The following DISC1 variants were observed in gnomAD, a reference collection of about 807,000 sequenced individuals.
DISC1 encodes the protein DISC1 scaffold protein, also known as disrupted in schizophrenia 1 protein.
In DISC1, 57 loss-of-function variants were observed where a neutral mutation model predicts 84.5. The observed-to-expected ratio is 0.67, with a 90% CI of 0.55 to 0.84. DISC1 has a LOEUF of 0.84. Among genes scored for constraint, DISC1 ranks in the 40% least tolerant of loss-of-function variants. The pLI is 0.00. For missense variants in DISC1, 1,000 were observed against 1,057.8 expected (o/e 0.95, Z 0.76); for synonymous variants, 411 against 415.2 (o/e 0.99, Z 0.12).
intron 9 of DISC1, among the ~76,000 whole-genome samples, chr1:231,893,023 C>T (rs912439859): frequency 1.3e-5 from 2 of 152,066 alleles, no homozygotes; most frequent in Non-Finnish European, 2.9e-5. Flanking sequence ...ATTAGCCAGG[C>T]ATGGTGGCTG....
intron 6 of DISC1, among the ~76,000 whole-genome samples, chr1:231,780,406 A>G (rs1477290251): frequency 6.6e-6 from 1 of 152,118 alleles, no homozygotes; most frequent in African/African-American, 2.4e-5. Context: ...AACACATGAA[A>G]AAATGCTCAC....
At chr1:231,661,865 CT>C (rs1190982172) in intron 1 of DISC1, among the ~76,000 whole-genome samples, 1 of 152,210 alleles carries the variant, frequency 6.6e-6, no homozygotes, top group Non-Finnish European at 1.5e-5. Context: ...CTTTGCTTAT[CT>C]TTGTGGGCTT....
At chr1:231,912,743 T>C (rs549052437) in intron 9 of DISC1, among the ~76,000 whole-genome samples, 9 of 1,642 alleles carry the variant, frequency 5.5e-3, no homozygotes, top group Admixed American at 0.014. Flanking sequence ...CAGCTTGCTC[T>C]TCTTTCTTTC....
intron 9 of DISC1, among the ~76,000 whole-genome samples, chr1:231,917,555 T>A (rs562155440): frequency 2.6e-4 from 39 of 152,364 alleles, no homozygotes; most frequent in Admixed American, 8.5e-4. Flanking sequence ...TTAGGAGAGC[T>A]ATGTTCACTT....
intron 3 of DISC1, among the ~76,000 whole-genome samples, chr1:231,708,321 GA>G (rs1182337451): frequency 6.6e-6 from 1 of 152,184 alleles, no homozygotes; most frequent in African/African-American, 2.4e-5. Context: ...TCTGAGAAAT[GA>G]GACAGACTTT....
At chr1:231,710,368 A>G (rs1452247790) in intron 3 of DISC1, among the ~76,000 whole-genome samples, 1 of 152,138 alleles carries the variant, frequency 6.6e-6, no homozygotes, top group African/African-American at 2.4e-5. Flanking sequence ...AAACAAACAA[A>G]CAAACAACTC....
chr1:231,974,385 CT>C (rs1558798195), intron 10 of DISC1, among the ~76,000 whole-genome samples: 2 of 152,206 alleles, frequency 1.3e-5, no homozygotes, highest in Admixed American at 6.5e-5. Context: ...TTTTACTGGT[CT>C]TTTTTTCTTA....
intron 10 of DISC1, among the ~76,000 whole-genome samples, chr1:231,991,712 G>A (rs1462943849): frequency 6.6e-6 from 1 of 152,108 alleles, no homozygotes; most frequent in Non-Finnish European, 1.5e-5. Context: ...TTATTATAGG[G>A]TGTGTGTGGT....
intron 9 of DISC1, among the ~76,000 whole-genome samples, chr1:231,861,843 T>C (rs2084678291): frequency 6.6e-6 from 1 of 152,206 alleles, no homozygotes; most frequent in Admixed American, 6.5e-5. Flanking sequence ...TTCCCATTAA[T>C]GTTTGCTCAC....
chr1:231,753,494 G>T (rs1311427685), intron 4 of DISC1, among the ~76,000 whole-genome samples: 1 of 152,224 alleles, frequency 6.6e-6, no homozygotes, highest in African/African-American at 2.4e-5. Flanking sequence ...AGAGCACTGG[G>T]GCCCTGGGGC....
chr1:231,709,052 A>G lies in DISC1; in HGVS notation c.1117+7028A>G, dbSNP rs4658935. The stretch of plus-strand genomic sequence containing the variant: ...ATGGGCTATACATTAAGACAAAAAT[A>G]CCATAGGAAGAGAATATGAACAAAA... On this transcript the variant is annotated intron_variant, in intron 3 of 12. Coordinates refer to ENST00000439617, the MANE Select transcript of DISC1 (RefSeq NM_018662.3). Among the ~76,000 whole-genome samples the G allele has an allele frequency of 2.0e-5, 3 of 152,266 alleles. No individual in the cohort carries two copies. In the South Asian group the frequency reaches 6.2e-4, roughly 31 times the overall value.
Position 231,694,521 on chromosome 1 carries a change from C to A in DISC1, c.763C>A (p.Pro255Thr). 1 of 1,614,252 alleles carries A rather than the reference C, an allele frequency of 6.2e-7. No individual in the cohort carries two copies. Among genetic ancestry groups the A allele is most frequent in the Non-Finnish European group, 8.5e-7 (1 of 1,180,034 alleles). Residue 255 changes from proline to threonine, a missense_variant, in exon 2 of 13, where the codon CCT becomes ACT. Physicochemically the swap from Pro to Thr is conservative, Grantham distance 38 (BLOSUM62 -1). Coordinates refer to ENST00000439617, the MANE Select transcript of DISC1 (RefSeq NM_018662.3). Reference sequence around the variant, plus strand: ...AGCCAAAGCTGCCAGCTTGGACGGGCCTCACGAGGACCCGCGATGTCTCTC... The same window carrying A: ...AGCCAAAGCTGCCAGCTTGGACGGGACTCACGAGGACCCGCGATGTCTCTC... Reference protein sequence around the residue: ...MGAKAASLDGPHEDPRCLSRP... With the variant: ...MGAKAASLDGTHEDPRCLSRP...
intron 10 of DISC1, among the ~76,000 whole-genome samples, chr1:231,978,968 G>A (rs984739203): frequency 2.6e-4 from 39 of 152,264 alleles, no homozygotes; most frequent in South Asian, 2.5e-3. Context: ...GTGAGTAAGC[G>A]AAGCTTTTTC....
At chr1:231,880,602 A>G (rs1035559691) in intron 9 of DISC1, among the ~76,000 whole-genome samples, 2 of 152,200 alleles carry the variant, frequency 1.3e-5, no homozygotes, top group African/African-American at 2.4e-5. Flanking sequence ...CTGCACAGTA[A>G]TAGACCCATT....
At chr1:232,030,890 A>G (rs1454775594) in intron 12 of DISC1, among the ~76,000 whole-genome samples, 2 of 152,076 alleles carry the variant, frequency 1.3e-5, no homozygotes, top group African/African-American at 4.8e-5. Context: ...AGGTGGATGG[A>G]TTGTTTGAGA....
intron 1 of DISC1, among the ~76,000 whole-genome samples, chr1:231,632,799 A>C (rs1203185499): frequency 1.3e-5 from 2 of 152,120 alleles, no homozygotes; most frequent in Admixed American, 1.3e-4. Context: ...AGCCAGGCGC[A>C]GTGGCTCATG....
chr1:231,939,966 C>G (rs1290406633), intron 9 of DISC1, among the ~76,000 whole-genome samples: 3 of 152,144 alleles, frequency 2.0e-5, no homozygotes, highest in African/African-American at 7.2e-5. Context: ...TGGTCTCAAA[C>G]TCATGACCTC....
intron 9 of DISC1, among the ~76,000 whole-genome samples, chr1:231,904,263 A>T (rs769131327): frequency 1.3e-5 from 2 of 152,132 alleles, no homozygotes; most frequent in Non-Finnish European, 2.9e-5. Context: ...CTAACATTAC[A>T]TTTCCCTCAA....
intron 1 of DISC1, among the ~76,000 whole-genome samples, chr1:231,673,819 A>G (rs780089283): frequency 1.3e-5 from 2 of 152,220 alleles, no homozygotes; most frequent in East Asian, 3.8e-4. Flanking sequence ...TCATAGATAA[A>G]CAACAAACAT....
Sources: gnomAD v4.1 joint callset for allele counts (sites outside exome capture counted in the v4.1 genomes callset) on GRCh38, gnomAD v4.1.1 for gene constraint, MANE v1.5 for transcripts, NCBI Gene and HGNC (gene_info 2026-07-23, HGNC 2026-07-21) for gene names.